ADAM23: variants seen among roughly 807,000 people sequenced by gnomAD.
ADAM23 encodes ADAM metallopeptidase domain 23.
ADAM23 carries 33 observed loss-of-function variants against 120.1 expected under a neutral mutation model. The observed-to-expected ratio is 0.27, with a 90% CI of 0.21 to 0.37. The LOEUF (loss-of-function observed/expected upper bound fraction) is 0.37. Among genes scored for constraint, ADAM23 ranks in the 10% least tolerant of loss-of-function variants. The probability of loss-of-function intolerance (pLI) is 1.00; values close to 1 mark genes in which losing one functional copy is unlikely to be tolerated. For missense variants in ADAM23, 862 were observed against 1,058.2 expected, an observed-to-expected ratio of 0.81 and a Z score of 2.57; for synonymous variants, 367 against 375.2, an observed-to-expected ratio of 0.98 and a Z score of 0.25.
intron 9 of ADAM23, among the ~76,000 whole-genome samples, chr2:206,554,260 T>C (rs1697593890): frequency 6.6e-6 from 1 of 152,188 alleles, no homozygotes; most frequent in Admixed American, 6.5e-5. Flanking sequence ...CTCAATTTGG[T>C]AAAAAGTATC....
At chr2:206,550,292 A>T (rs1332479223) in intron 9 of ADAM23, 132 bp downstream of exon 9, 6 of 457,014 alleles carry the variant, frequency 1.3e-5, no homozygotes, top group Non-Finnish European at 2.2e-5. Flanking sequence ...GACTTGATTT[A>T]TTTGTCGGTG....
intron 3 of ADAM23, among the ~76,000 whole-genome samples, chr2:206,513,791 G>T (rs1696675702): frequency 6.6e-6 from 1 of 152,180 alleles, no homozygotes; most frequent in Non-Finnish European, 1.5e-5. Flanking sequence ...TGGTGATAAT[G>T]CAGCTTGTGA....
chr2:206,454,037 A>G (rs1407510864), intron 2 of ADAM23, among the ~76,000 whole-genome samples: 5 of 152,244 alleles, frequency 3.3e-5, no homozygotes, highest in African/African-American at 1.2e-4. Flanking sequence ...GCTGATAGGC[A>G]CTAATTACAG....
chr2:206,443,896 G>A lies in ADAM23; in HGVS notation c.30G>A (p.Gln10=). 8.5e-7 allele frequency: 1 copy of A among 1,176,428 alleles called. No homozygotes were observed. The highest frequency in any genetic ancestry group is 1.0e-6 in the Non-Finnish European group (1 of 955,096). 72.9% of individuals were successfully genotyped at this position (1,176,428 alleles called of 1,614,324 possible). MKPPGSSSR[Q]PPLAGCSLAG... ...AGCCGCCCGGCAGCAGCTCGCGGCA[G>A]CCGCCCCTGGCGGGCTGCAGCCTTG... The change falls in exon 1 of 26, where the codon CAG becomes CAA. Residue 10 remains glutamine, a synonymous_variant. Coordinates refer to ENST00000264377, the MANE Select transcript of ADAM23 (RefSeq NM_003812.4).
intron 4 of ADAM23, among the ~76,000 whole-genome samples, chr2:206,537,712 AACTTAAAGTTTGTATTTCC>A (rs2105803514): frequency 6.6e-6 from 1 of 152,302 alleles, no homozygotes; most frequent in African/African-American, 2.4e-5. Context: ...AACCAGAGAT[AACTTAAAGTTTGTATTTCC>A]ACTCCTATAC....
At chr2:206,499,930 G>A (rs114953960) in intron 3 of ADAM23, among the ~76,000 whole-genome samples, 3 of 152,106 alleles carry the variant, frequency 2.0e-5, no homozygotes, top group African/African-American at 4.8e-5. Context: ...TCAGGTTGGC[G>A]GATTAAAGGA....
chr2:206,458,551 G>A (rs977654989), intron 2 of ADAM23, among the ~76,000 whole-genome samples: 5 of 152,184 alleles, frequency 3.3e-5, no homozygotes, highest in Non-Finnish European at 7.3e-5. Flanking sequence ...TTGTACTGTA[G>A]GGGTGTAAAG....
intron 2 of ADAM23, among the ~76,000 whole-genome samples, chr2:206,449,860 A>G (rs1173202744): frequency 6.6e-6 from 1 of 152,190 alleles, no homozygotes; most frequent in African/African-American, 2.4e-5. Flanking sequence ...GATTGTGGAG[A>G]TGCACGATGC....
intron 19 of ADAM23, 95 bp downstream of exon 19, chr2:206,587,470 G>A: frequency 1.1e-6 from 1 of 941,024 alleles, no homozygotes; most frequent in Non-Finnish European, 1.6e-6. Flanking sequence ...AACTTTGAAG[G>A]GAATTTTACT....
chr2:206,592,400 C>A lies in ADAM23; in HGVS notation c.1959-217C>A, dbSNP rs576428037. ...AGATGAGACAGCAGTCATGATCCAC[C>A]TTTCAGGGCTGGGCACTTTGCTGTT... On this transcript the variant is annotated intron_variant, in intron 21 of 25. Coordinates refer to ENST00000264377, the MANE Select transcript of ADAM23 (RefSeq NM_003812.4). Among the ~76,000 whole-genome samples the A allele has an allele frequency of 2.0e-5, 3 of 152,260 alleles. No homozygotes were observed. The South Asian group carries it at 6.2e-4, about 32-fold the overall frequency.
At chr2:206,555,143 T>C (rs750236705) in intron 9 of ADAM23, among the ~76,000 whole-genome samples, 3 of 152,198 alleles carry the variant, frequency 2.0e-5, no homozygotes, top group African/African-American at 4.8e-5. Flanking sequence ...TACTTTTAGC[T>C]CTAGCCCCTT....
At chr2:206,464,786 A>C (rs1396462118) in intron 2 of ADAM23, among the ~76,000 whole-genome samples, 1 of 151,894 alleles carries the variant, frequency 6.6e-6, no homozygotes, top group African/African-American at 2.4e-5. Flanking sequence ...AGGCTACTGG[A>C]ATCTAGTGGG....
At chr2:206,453,855 G>T (rs1422494608) in intron 2 of ADAM23, among the ~76,000 whole-genome samples, 1 of 152,236 alleles carries the variant, frequency 6.6e-6, no homozygotes, top group Non-Finnish European at 1.5e-5. Context: ...GTCCTGTATG[G>T]CTAAAGAATA....
At chr2:206,495,830 A>C (rs983762253) in intron 3 of ADAM23, among the ~76,000 whole-genome samples, 28 of 152,214 alleles carry the variant, frequency 1.8e-4, no homozygotes, top group Non-Finnish European at 2.9e-4. Context: ...TGGAAAACAA[A>C]AAAAGGCAGG....
At position 206,462,055 on chromosome 2, in the gene ADAM23, C is replaced by T. The variant is rs116045036; in HGVS notation, c.432+16531C>T. Among the ~76,000 whole-genome samples the T allele has an allele frequency of 1.8e-3, 278 of 152,150 alleles. 1 individual carries two copies. Among genetic ancestry groups the T allele is most frequent in the Middle Eastern group, 0.014 (4 of 294 alleles). ...CTGCCTCGATTTATCACTAGGAAGTCCAGAAAGTCCTGATTTGCCGCCAGG... is the reference window on the plus strand; with the variant it reads ...CTGCCTCGATTTATCACTAGGAAGTTCAGAAAGTCCTGATTTGCCGCCAGG... On this transcript the variant is annotated intron_variant, in intron 2 of 25. Coordinates refer to ENST00000264377, the MANE Select transcript of ADAM23 (RefSeq NM_003812.4).
rs145629960 is a variant in ADAM23 at position 206,481,608 on chromosome 2, C to T, written c.509+300C>T. On this transcript the variant is annotated intron_variant, in intron 3 of 25. Coordinates refer to ENST00000264377, the MANE Select transcript of ADAM23 (RefSeq NM_003812.4). ...TATAATCATCACTATATATAAGAAG[C>T]ATGATAAATTTACTGATTCAAGTAT... is the stretch of plus-strand genomic sequence containing the variant. Among the ~76,000 whole-genome samples, 598 of 152,200 alleles carry T rather than the reference C, an allele frequency of 3.9e-3. 6 individuals are homozygous for T. Among genetic ancestry groups the T allele is most frequent in the African/African-American group, 0.013 (555 of 41,532 alleles).
At chr2:206,486,449 A>T (rs1034969870) in intron 3 of ADAM23, among the ~76,000 whole-genome samples, 1 of 151,832 alleles carries the variant, frequency 6.6e-6, no homozygotes, top group Admixed American at 6.6e-5. Flanking sequence ...CTTAATGTTT[A>T]TCAGTCCTTG....
At chr2:206,552,757 G>A (rs927892435) in intron 9 of ADAM23, among the ~76,000 whole-genome samples, 25 of 152,204 alleles carry the variant, frequency 1.6e-4, no homozygotes, top group Non-Finnish European at 2.8e-4. Flanking sequence ...CGCCTCCGCA[G>A]CTCAAGTGAT....
chr2:206,519,514 A>AT (rs1696802907), intron 3 of ADAM23, among the ~76,000 whole-genome samples: 1 of 152,048 alleles, frequency 6.6e-6, no homozygotes, highest in Admixed American at 6.6e-5. Context: ...TTTGAAGGTC[A>AT]TTTTTCTAAA....
Sources: allele counts gnomAD v4.1 joint callset (sites outside exome capture counted in the v4.1 genomes callset), GRCh38; gene constraint gnomAD v4.1.1; transcripts MANE v1.5; gene names NCBI Gene and HGNC (gene_info 2026-07-23, HGNC 2026-07-21).